Variants in TMEM260 observed in about 807,000 individuals in gnomAD.
TMEM260 encodes transmembrane protein 260, also known as protein O-mannosyl-transferase TMEM260.
In TMEM260, 82 loss-of-function variants were observed where a neutral mutation model predicts 88.9. The observed-to-expected ratio is 0.92, with a 90% CI of 0.77 to 1.11. The LOEUF is 1.11. Ranked by LOEUF, TMEM260 falls within the 50% of genes least tolerant of loss-of-function variation. TMEM260 has a pLI of 0.00. For synonymous variants in TMEM260, 314 were observed against 309.3 expected (o/e 1.02, Z -0.16); for missense variants, 902 against 853.4 (o/e 1.06, Z -0.71).
chr14:56,639,475 C>G (rs1397019689), intron 15 of TMEM260, among the ~76,000 whole-genome samples: 1 of 152,136 alleles, frequency 6.6e-6, no homozygotes, highest in Non-Finnish European at 1.5e-5. Flanking sequence ...AAACATCAAT[C>G]TAACAGGTCT....
At chr14:56,651,803 T>C (rs1197339402), downstream of TMEM260, among the ~76,000 whole-genome samples, 1 of 152,136 alleles carries the variant, frequency 6.6e-6, no homozygotes, top group Non-Finnish European at 1.5e-5. Context: ...GTATAAGAAG[T>C]ATAGGGTGAA....
chr14:56,614,219 T>A (rs1323675729), intron 7 of TMEM260, among the ~76,000 whole-genome samples: 13 of 111,536 alleles, frequency 1.2e-4, no homozygotes, highest in South Asian at 3.1e-4. Context: ...TACAAAACAT[T>A]AAAAAAAAAA....
At chr14:56,622,560 A>T (rs1339911849) in intron 11 of TMEM260, among the ~76,000 whole-genome samples, 1 of 152,050 alleles carries the variant, frequency 6.6e-6, no homozygotes. Flanking sequence ...TGACAAAAAT[A>T]CATTAAGAGA....
At chr14:56,587,386 T>C (rs12587600) in intron 3 of TMEM260, among the ~76,000 whole-genome samples, 51,966 of 151,752 alleles carry the variant, frequency 0.34, 10,457 homozygotes, top group East Asian at 0.51. Context: ...GTTGATACCA[T>C]TCCATATGAG....
In TMEM260 at chr14:56,649,000, T is replaced by C. The variant is rs2139666191; in HGVS notation, c.*1503T>C. On this transcript the variant is annotated 3_prime_UTR_variant, in exon 16 of 16. Coordinates refer to ENST00000261556, the MANE Select transcript of TMEM260 (RefSeq NM_017799.4). ...CTGATCCATGGGGCTTTGTTGGTTT[T>C]GGCATCACACAGGGGAAGCTCTTGC... is the stretch of plus-strand genomic sequence containing the variant. 1 of 152,840 alleles carries C rather than the reference T, an allele frequency of 6.5e-6. No individual in the cohort carries two copies. Among genetic ancestry groups the C allele is most frequent in the East Asian group, 1.9e-4 (1 of 5,188 alleles). 9.5% of individuals were successfully genotyped at this position (152,840 alleles called of 1,614,324 possible). A position where few individuals can be genotyped will look rare whatever the true frequency, so the allele number is the denominator to read the frequency against.
At position 56,609,252 on chromosome 14, in the gene TMEM260, T is replaced by C. The variant is rs959517831; in HGVS notation, c.783T>C (p.His261=). ...CAACACTGCAAGGATTTTTGACACA[T>C]TTTCTCAGGGAAGAATATGGAACCT... is the stretch of plus-strand genomic sequence containing the variant. The part of the protein sequence containing the change: ...DQTTLQGFLT[H]FLREEYGTFS... The change falls in exon 6 of 16, where the codon CAT becomes CAC. Residue 261 remains histidine (H), a synonymous_variant. Transcript: ENST00000261556. The C allele has an allele frequency of 6.2e-7, 1 of 1,613,880 alleles. No homozygotes were observed. The highest frequency in any genetic ancestry group is 8.5e-7 in the Non-Finnish European group (1 of 1,179,992).
chr14:56,662,422 C>A, the TMEM260 span, among the ~76,000 whole-genome samples: 1 of 152,168 alleles, frequency 6.6e-6, no homozygotes, highest in African/African-American at 2.4e-5. Flanking sequence ...CGGCCTTTCG[C>A]AACCAGGAAG....
intron 15 of TMEM260, among the ~76,000 whole-genome samples, chr14:56,638,925 A>G (rs17091874): frequency 0.043 from 6,515 of 152,282 alleles, 213 homozygotes; most frequent in East Asian, 0.099. Context: ...ATAATTCCAC[A>G]TAACGAAGAA....
intron 4 of TMEM260, among the ~76,000 whole-genome samples, 164 bp downstream of exon 4, chr14:56,604,156 G>C (rs1017578395): frequency 6.6e-6 from 1 of 152,032 alleles, no homozygotes; most frequent in Non-Finnish European, 1.5e-5. Context: ...ATTATGGATG[G>C]AACCAGGATA....
chr14:56,616,061 C>G, intron 8 of TMEM260, 34 bp downstream of exon 8: 1 of 1,467,942 alleles, frequency 6.8e-7, no homozygotes, highest in African/African-American at 1.4e-5. Flanking sequence ...TGTTATTTTT[C>G]TATGTTCATG....
chr14:56,604,411 GA>G (rs765185881), intron 4 of TMEM260, among the ~76,000 whole-genome samples: 4 of 152,148 alleles, frequency 2.6e-5, no homozygotes, highest in Non-Finnish European at 5.9e-5. Flanking sequence ...ACTAAAAGAA[GA>G]GTATCAAATG....
At chr14:56,596,784 TAA>T (rs764574288) in intron 3 of TMEM260, among the ~76,000 whole-genome samples, 7 of 114,266 alleles carry the variant, frequency 6.1e-5, no homozygotes, top group Non-Finnish European at 9.4e-5. Flanking sequence ...AAAAAAAAAT[TAA>T]AAAAAAAAAT....
intron 13 of TMEM260, chr14:56,633,630 G>A (rs1888797059): frequency 6.5e-6 from 1 of 154,976 alleles, no homozygotes. Context: ...TCAGCTTTGA[G>A]TAGCTTTGTT....
rs760016923 is a variant in TMEM260, at chr14:56,615,918, A to G, written c.858-26A>G. On this transcript the variant is annotated intron_variant, in intron 7 of 15. Transcript: ENST00000261556. ...AATCAATCAAATTTGTTTCCTGCCA[A>G]CAATAAGTTAGATTGTTTTTTGCAG... 3.2e-6 allele frequency: 5 copies of G among 1,543,078 alleles called. No homozygotes were observed. In the South Asian group the frequency reaches 3.4e-5, roughly 10 times the overall value.
intron 3 of TMEM260, among the ~76,000 whole-genome samples, chr14:56,602,226 A>G (rs182056547): frequency 6.6e-6 from 1 of 152,288 alleles, no homozygotes; most frequent in Admixed American, 6.5e-5. Context: ...AAACCTAGGA[A>G]TTGAAGAAAC....
chr14:56,613,260 G>A (rs776875832), intron 7 of TMEM260: 1 of 152,002 alleles, frequency 6.6e-6, no homozygotes, highest in Non-Finnish European at 1.5e-5. Flanking sequence ...AAACTATGAG[G>A]AGAATATTTC....
chr14:56,640,765 T>G (rs1349871793), intron 15 of TMEM260, among the ~76,000 whole-genome samples: 5 of 151,944 alleles, frequency 3.3e-5, no homozygotes, highest in Non-Finnish European at 7.4e-5. Context: ...ATTAGACAAA[T>G]GGATAACTAG....
intron 12 of TMEM260, among the ~76,000 whole-genome samples, chr14:56,627,149 GC>G (rs1447816147): frequency 1.3e-5 from 2 of 151,082 alleles, no homozygotes; most frequent in East Asian, 3.9e-4. Context: ...TAAACATTCT[GC>G]CCCATAAAGT....
the TMEM260 span, among the ~76,000 whole-genome samples, chr14:56,662,139 C>A: frequency 1.3e-5 from 2 of 152,344 alleles, no homozygotes; most frequent in East Asian, 3.9e-4. Context: ...CTGCAGCTAT[C>A]AAGAGAAAGT....
Sources: gnomAD v4.1 joint callset for allele counts (sites outside exome capture counted in the v4.1 genomes callset) on GRCh38, gnomAD v4.1.1 for gene constraint, MANE v1.5 for transcripts, NCBI Gene and HGNC (gene_info 2026-07-23, HGNC 2026-07-21) for gene names.